The following UNC13A variants were observed in gnomAD, a reference collection of about 807,000 sequenced individuals.
UNC13A encodes protein unc-13 homolog A.
UNC13A carries 61 observed loss-of-function variants against 219.7 expected under a neutral mutation model. The ratio of observed to expected loss-of-function variants is 0.28; its 90% CI spans 0.23 to 0.34. UNC13A has a LOEUF of 0.34. UNC13A is among the 10% of genes least tolerant of loss of function. UNC13A has a pLI of 1.00. For missense variants in UNC13A, 1,476 were observed against 2,270.3 expected, an observed-to-expected ratio of 0.65 and a Z score of 7.11; for synonymous variants, 920 against 884.6, an observed-to-expected ratio of 1.04 and a Z score of -0.71.
In UNC13A at chr19:17,627,525, G is replaced by C. The variant is rs570450091; in HGVS notation, c.3904C>G (p.Arg1302Gly). The change falls in exon 33 of 44, where the codon CGG (arginine) becomes GGG (glycine). Residue 1302 changes from arginine (R) to glycine (G), a missense_variant. By Grantham distance (125) the Arg-to-Gly change is moderately radical. Transcript: ENST00000519716. The surrounding 1 kb of genome is among the most constrained non-coding windows in gnomAD (Gnocchi z 4.7). ...TGCTCCCACCTGGTAGCAAACACCC[G>C]GCTGAGCTCATCCAAGACGTTATTG... ...KLNNVLDELS[R>G]VFATSFQPHI... is the part of the protein sequence containing the mutation. The C allele has an allele frequency of 1.3e-6, 2 of 1,560,856 alleles. No individual in the cohort carries two copies. Among genetic ancestry groups the C allele is most frequent in the South Asian group, 2.4e-5 (2 of 84,520 alleles).
chr19:17,633,072 T>G (rs762256956), intron 27 of UNC13A, 36 bp downstream of exon 27: 1 of 1,612,152 alleles, frequency 6.2e-7, no homozygotes, highest in East Asian at 2.2e-5. Context: ...CCACCTGGTG[T>G]GGCCAGGCTG....
In UNC13A at chr19:17,645,843, A is replaced by G. The variant is rs1207160504; in HGVS notation, c.2187T>C (p.Phe729=). The G allele has an allele frequency of 6.2e-7, 1 of 1,606,914 alleles. No homozygotes were observed. Among genetic ancestry groups the G allele is most frequent in the Non-Finnish European group, 8.5e-7 (1 of 1,176,694 alleles). The change falls in exon 19 of 44, where the codon TTT becomes TTC. Residue 729 remains phenylalanine, a splice_region_variant and synonymous_variant. Transcript: ENST00000519716. ...TGCGGTCGGAGGAATTGTGACATTC[A>G]CTGTGGCGGGAGGAGGAGGCAGAGG... ...LNPVWEENFH[F]ECHNSSDRIK...
intron 11 of UNC13A, among the ~76,000 whole-genome samples, chr19:17,653,362 TTTGA>T (rs2079388060): frequency 6.6e-6 from 1 of 151,856 alleles, no homozygotes; most frequent in African/African-American, 2.4e-5. Context: ...TGTTTGTTTG[TTTGA>T]GACGGAGTTT....
chr19:17,665,506 C>A (rs1334640206), intron 7 of UNC13A, among the ~76,000 whole-genome samples: 1 of 152,186 alleles, frequency 6.6e-6, no homozygotes, highest in Non-Finnish European at 1.5e-5. Context: ...CATTAACAGA[C>A]AAGGTGCAGT....
Position 17,637,329 on chromosome 19 carries a change from G to T in UNC13A, c.3082-1172C>A, listed in dbSNP as rs1006608431. On this transcript the variant is annotated intron_variant, in intron 25 of 43. Transcript: ENST00000519716. The stretch of plus-strand genomic sequence containing the variant: ...TTTTTTTTTTTTGAGACGGAGTCTC[G>T]CTCTGTCACCCAGGCCGGAGTGCAG... Among the ~76,000 whole-genome samples, 67 of 137,850 alleles carry T rather than the reference G, an allele frequency of 4.9e-4. 2 individuals are homozygous for T. Among genetic ancestry groups the T allele is most frequent in the African/African-American group, 1.8e-3 (65 of 36,382 alleles). The allele number at this position is 137,850 out of a possible 152,430, so 90.4% of individuals were successfully genotyped here.
intron 25 of UNC13A, among the ~76,000 whole-genome samples, chr19:17,638,223 C>T (rs2076931416): frequency 6.6e-6 from 1 of 152,054 alleles, no homozygotes; most frequent in African/African-American, 2.4e-5. Context: ...GCCTGTAATC[C>T]CAGCACTTTG....
chr19:17,616,486 A>C, intron 41 of UNC13A: 21 of 341,360 alleles, frequency 6.2e-5, no homozygotes, highest in East Asian at 6.9e-5. Flanking sequence ...TGGGGGTGGA[A>C]GGGGGAGAGA....
At chr19:17,630,115 CT>C (rs1347943588) in intron 30 of UNC13A, 29 bp downstream of exon 30, 3 of 1,550,500 alleles carry the variant, frequency 1.9e-6, no homozygotes, top group African/African-American at 2.7e-5. Flanking sequence ...ACCCTGTCCC[CT>C]AGCCCCAACC....
intron 3 of UNC13A, among the ~76,000 whole-genome samples, chr19:17,673,246 A>G (rs2079824626): frequency 6.6e-6 from 1 of 151,298 alleles, no homozygotes; most frequent in African/African-American, 2.4e-5. Flanking sequence ...AATTCCAGCT[A>G]CTCGGGAGGC....
intron 36 of UNC13A, 199 bp downstream of exon 36, chr19:17,623,343 G>C: frequency 2.0e-6 from 1 of 507,722 alleles, no homozygotes; most frequent in Non-Finnish European, 3.5e-6. Context: ...GGGAGGGTGG[G>C]CGTGGTCTCC....
At position 17,603,500 on chromosome 19, in the gene UNC13A, C is replaced by T. The variant is rs1256014572; in HGVS notation, c.*2554G>A. 1 of 152,248 alleles carries T rather than the reference C, an allele frequency of 6.6e-6. No individual in the cohort carries two copies. Among genetic ancestry groups the T allele is most frequent in the African/African-American group, 2.4e-5 (1 of 41,452 alleles). 9.4% of individuals were successfully genotyped at this position (152,248 alleles called of 1,614,324 possible). ...ATATAACAGTCACATAAGCTTATCC[C>T]TGGCTACAACTTCCCAACCCTGTAT... On this transcript the variant is annotated 3_prime_UTR_variant, in exon 44 of 44. Coordinates refer to ENST00000519716, the MANE Select transcript of UNC13A (RefSeq NM_001080421.3).
Position 17,632,903 on chromosome 19 carries a change from C to T in UNC13A, c.3307G>A (p.Asp1103Asn), listed in dbSNP as rs756330712. Residue 1103 changes from aspartate (D) to asparagine (N), a missense_variant, in exon 28 of 44, where the codon GAC (aspartate) becomes AAC (asparagine). Around this residue, in one of 14 missense-constraint regions of UNC13A, gnomAD observed 218 missense variants for 409.4 expected, o/e 0.53. Transcript: ENST00000519716. ...GCACTCTTGCATAGACGATGCTTGT[C>T]GTGCTCTGGCCAGGGACAAAGAGGA... is the stretch of plus-strand genomic sequence containing the variant. ...QDMKYAMEEH[D>N]KHRLCKSADY... The T allele has an allele frequency of 6.2e-7, 1 of 1,613,892 alleles. No individual in the cohort carries two copies. Among genetic ancestry groups the T allele is most frequent in the South Asian group, 1.1e-5 (1 of 91,060 alleles).
intron 31 of UNC13A, 42 bp downstream of exon 31, chr19:17,629,198 G>C: frequency 6.5e-7 from 1 of 1,531,918 alleles, no homozygotes; most frequent in Non-Finnish European, 8.9e-7. Context: ...GATGCTGAAT[G>C]GGGCTGAGGA....
chr19:17,648,106 A>T (rs2079274660), intron 16 of UNC13A, among the ~76,000 whole-genome samples: 1 of 126,846 alleles, frequency 7.9e-6, no homozygotes, highest in African/African-American at 3.1e-5. Context: ...TAGCTAACCC[A>T]TTTTATCCAG....
chr19:17,643,468 T>C (rs1184953580), intron 19 of UNC13A, among the ~76,000 whole-genome samples: 2 of 150,900 alleles, frequency 1.3e-5, no homozygotes, highest in African/African-American at 4.9e-5. Context: ...TACAGGCATG[T>C]GCCATCACAC....
At chr19:17,625,526 TATCC>T (rs773506974) in intron 34 of UNC13A, among the ~76,000 whole-genome samples, 3 of 152,028 alleles carry the variant, frequency 2.0e-5, no homozygotes, top group Non-Finnish European at 2.9e-5. Flanking sequence ...TTTCTTTTTC[TATCC>T]ATCCATCCAT....
chr19:17,640,277 G>C (rs1028678030), intron 22 of UNC13A, among the ~76,000 whole-genome samples: 1 of 152,120 alleles, frequency 6.6e-6, no homozygotes, highest in African/African-American at 2.4e-5. Context: ...GGCCTCAAGT[G>C]ATTCTCCAGC....
Position 17,621,813 on chromosome 19 carries a change from G to A in UNC13A, c.4242+19C>T, listed in dbSNP as rs766120257. 2 of 1,612,614 alleles carry A rather than the reference G, an allele frequency of 1.2e-6. No homozygotes were observed. The highest frequency in any genetic ancestry group is 4.5e-5 in the East Asian group (2 of 44,900). On this transcript the variant is annotated intron_variant, in intron 37 of 43. Transcript: ENST00000519716. ...AGACACTGGAGCTCAGGGCCTCAGT[G>A]AGACGAGGCCCTCATTACCTTTTCT... is the stretch of plus-strand genomic sequence containing the variant.
chr19:17,644,347 C>A (rs996086382), intron 19 of UNC13A, among the ~76,000 whole-genome samples: 7 of 148,016 alleles, frequency 4.7e-5, no homozygotes, highest in Admixed American at 6.7e-5. Context: ...CATCACCACA[C>A]CCAGCTATTT....
Sources: allele counts gnomAD v4.1 joint callset (sites outside exome capture counted in the v4.1 genomes callset), GRCh38; gene constraint gnomAD v4.1.1; regional missense constraint gnomAD v4.1.1; non-coding constraint Gnocchi (gnomAD v3.1); transcripts MANE v1.5; gene names NCBI Gene and HGNC (gene_info 2026-07-23, HGNC 2026-07-21).